The following FAM227B variants were observed in gnomAD, a reference collection of about 807,000 sequenced individuals.
FAM227B encodes the protein family with sequence similarity 227 member B, also known as protein FAM227B.
In FAM227B, 88 loss-of-function variants were observed where a neutral mutation model predicts 73.8. The ratio of observed to expected loss-of-function variants is 1.19; its 90% CI spans 1.00 to 1.42. The LOEUF (loss-of-function observed/expected upper bound fraction) is 1.42. Ranked by LOEUF, FAM227B falls within the 40% of genes most tolerant of loss-of-function variation. FAM227B has a pLI of 0.00. For missense variants in FAM227B, 632 were observed against 590.9 expected, an observed-to-expected ratio of 1.07 and a Z score of -0.72; for synonymous variants, 210 against 190.5, an observed-to-expected ratio of 1.10 and a Z score of -0.84.
At position 49,466,295 on chromosome 15, in the gene FAM227B, G is replaced by A. The variant is rs556309912; in HGVS notation, c.1012+41916C>T. Among the ~76,000 whole-genome samples, 28 of 152,262 alleles carry A rather than the reference G, an allele frequency of 1.8e-4. No homozygotes were observed. The East Asian group carries it at 4.8e-3, about 26-fold the overall frequency. ...TGATTCCATGCAATCAGTCCATGAG[G>A]CAATATTTGGGAAGTACTTGAGTAG... On this transcript the variant is annotated intron_variant, in intron 11 of 15. Transcript: ENST00000299338.
chr15:49,329,439 C>T, intron 15 of FAM227B: 1 of 984,796 alleles, frequency 1.0e-6, no homozygotes, highest in Non-Finnish European at 1.2e-6. Flanking sequence ...ACTTATTATT[C>T]TGTGATTTCA....
intron 8 of FAM227B, 142 bp from the exon 9 acceptor site, chr15:49,568,488 C>A: frequency 1.6e-6 from 1 of 635,810 alleles, no homozygotes; most frequent in South Asian, 2.2e-5. Flanking sequence ...TAATGCAGAC[C>A]CAAATTTTAA....
At chr15:49,429,191 A>G (rs2050379788) in intron 11 of FAM227B, among the ~76,000 whole-genome samples, 1 of 151,968 alleles carries the variant, frequency 6.6e-6, no homozygotes, top group African/African-American at 2.4e-5. Context: ...AATAAGTAAC[A>G]TATCTACGCA....
intron 11 of FAM227B, among the ~76,000 whole-genome samples, chr15:49,464,871 T>G (rs1462778468): frequency 2.6e-5 from 4 of 152,108 alleles, no homozygotes; most frequent in African/African-American, 9.7e-5. Context: ...ATCCTGCAAT[T>G]AGAATGAATA....
intron 11 of FAM227B, among the ~76,000 whole-genome samples, chr15:49,441,668 T>C (rs1276381813): frequency 6.6e-6 from 1 of 151,736 alleles, no homozygotes; most frequent in East Asian, 1.9e-4. Flanking sequence ...TCATTTCATA[T>C]GTTCAGCCTC....
In FAM227B at chr15:49,551,210, G is replaced by C. The variant is rs546900215; in HGVS notation, c.748-9404C>G. Among the ~76,000 whole-genome samples, 77 of 152,314 alleles carry C rather than the reference G, an allele frequency of 5.1e-4. 1 individual carries two copies. The highest frequency in any genetic ancestry group is 1.0e-4 in the Non-Finnish European group (7 of 68,022). ...GGCAGGAGAATCAGGCAGGGAGGTT[G>C]CAGTGGGCCGAGATGGCAGCAGTAC... On this transcript the variant is annotated intron_variant, in intron 9 of 15. Coordinates refer to ENST00000299338, the MANE Select transcript of FAM227B (RefSeq NM_152647.3).
chr15:49,594,571 T>A (rs573486360), intron 3 of FAM227B, among the ~76,000 whole-genome samples: 1 of 152,326 alleles, frequency 6.6e-6, no homozygotes, highest in South Asian at 2.1e-4. Context: ...TAGACTTAAG[T>A]CTTTGATCCA....
intron 11 of FAM227B, among the ~76,000 whole-genome samples, chr15:49,480,910 C>T (rs2055887525): frequency 6.6e-6 from 1 of 152,072 alleles, no homozygotes. Flanking sequence ...AGATGTCTGC[C>T]TATCATAATT....
chr15:49,517,605 T>C, intron 10 of FAM227B, among the ~76,000 whole-genome samples: 1 of 152,172 alleles, frequency 6.6e-6, no homozygotes, highest in East Asian at 1.9e-4. Flanking sequence ...ACAAACATAT[T>C]AATGATTAAA....
intron 8 of FAM227B, among the ~76,000 whole-genome samples, chr15:49,568,708 T>C (rs560652088): frequency 6.6e-6 from 1 of 152,162 alleles, no homozygotes; most frequent in East Asian, 1.9e-4. Flanking sequence ...ATGAGTTAAT[T>C]ATCCTTACAT....
At chr15:49,383,592 T>C (rs1423739465) in intron 11 of FAM227B, among the ~76,000 whole-genome samples, 3 of 152,192 alleles carry the variant, frequency 2.0e-5, no homozygotes, top group African/African-American at 4.8e-5. Context: ...TATTTTATTA[T>C]GTAAAAATTC....
rs144998187 is a variant in FAM227B at position 49,568,602 on chromosome 15, C to A, written c.646-256G>T. On this transcript the variant is annotated intron_variant, in intron 8 of 15. Coordinates refer to ENST00000299338, the MANE Select transcript of FAM227B (RefSeq NM_152647.3). Reference sequence around the variant, plus strand: ...AATATATACTTATCTTAAAGGCGTGCAGTAAAATTAAATAAGGACAGGGAT... The same window carrying A: ...AATATATACTTATCTTAAAGGCGTGAAGTAAAATTAAATAAGGACAGGGAT... 1.0e-3 allele frequency among the ~76,000 whole-genome samples: 152 copies of A among 152,050 alleles called. 1 individual carries two copies. Among genetic ancestry groups the A allele is most frequent in the Middle Eastern group, 6.8e-3 (2 of 294 alleles).
chr15:49,446,433 T>C (rs540815034), intron 11 of FAM227B, among the ~76,000 whole-genome samples: 1 of 151,680 alleles, frequency 6.6e-6, no homozygotes, highest in East Asian at 1.9e-4. Flanking sequence ...GTTACGATAG[T>C]TGCTAGTAAG....
chr15:49,546,333 C>T (rs1469612190), intron 9 of FAM227B, among the ~76,000 whole-genome samples: 6 of 152,130 alleles, frequency 3.9e-5, no homozygotes, highest in Non-Finnish European at 7.3e-5. Flanking sequence ...GTATATGTGC[C>T]ACATTTTCTT....
intron 3 of FAM227B, among the ~76,000 whole-genome samples, chr15:49,604,028 T>C (rs2077361217): frequency 6.6e-6 from 1 of 152,210 alleles, no homozygotes; most frequent in South Asian, 2.1e-4. Flanking sequence ...ATGATACTTT[T>C]AATGTTTTGT....
At chr15:49,388,065 T>C (rs2046987835) in intron 11 of FAM227B, among the ~76,000 whole-genome samples, 1 of 151,798 alleles carries the variant, frequency 6.6e-6, no homozygotes, top group Non-Finnish European at 1.5e-5. Flanking sequence ...CCCAAAGGAA[T>C]CTACAGATTT....
At chr15:49,396,080 G>C (rs891551395) in intron 11 of FAM227B, 11 of 440,928 alleles carry the variant, frequency 2.5e-5, no homozygotes, top group Non-Finnish European at 4.5e-5. Flanking sequence ...TTCCATCTGA[G>C]GTACCAGGTT....
At chr15:49,451,199 G>C (rs184552070) in intron 11 of FAM227B, among the ~76,000 whole-genome samples, 1 of 151,606 alleles carries the variant, frequency 6.6e-6, no homozygotes, top group Non-Finnish European at 1.5e-5. Context: ...TAAATAATAC[G>C]GTCATTTAAA....
At chr15:49,357,978 G>C (rs1488283424) in intron 13 of FAM227B, among the ~76,000 whole-genome samples, 1 of 151,886 alleles carries the variant, frequency 6.6e-6, no homozygotes, top group African/African-American at 2.4e-5. Context: ...CAGAGCCAAA[G>C]ACAAAAACCA....
Sources: allele counts gnomAD v4.1 joint callset (sites outside exome capture counted in the v4.1 genomes callset), GRCh38; gene constraint gnomAD v4.1.1; transcripts MANE v1.5; gene names NCBI Gene and HGNC (gene_info 2026-07-23, HGNC 2026-07-21).